The following COBL variants were observed in gnomAD, a reference collection of about 807,000 sequenced individuals.
COBL encodes the protein cordon-bleu WH2 repeat protein.
A neutral mutation model predicts 98.8 loss-of-function variants in COBL; 51 were observed. The ratio of observed to expected loss-of-function variants is 0.52; its 90% CI spans 0.41 to 0.65. The LOEUF (loss-of-function observed/expected upper bound fraction) is 0.65, where lower values mean the gene tolerates loss of function less well. Among genes scored for constraint, COBL ranks in the 30% least tolerant of loss-of-function variants. The pLI, the probability that COBL is intolerant of heterozygous loss-of-function variation, is 0.00. For missense variants in COBL, 1,617 were observed against 1,617.5 expected, an observed-to-expected ratio of 1.00 and a Z score of 0.01; for synonymous variants, 634 against 651.7, an observed-to-expected ratio of 0.97 and a Z score of 0.41.
At chr7:51,096,102 T>C (rs1795249684) in intron 6 of COBL, among the ~76,000 whole-genome samples, 1 of 152,098 alleles carries the variant, frequency 6.6e-6, no homozygotes, top group South Asian at 2.1e-4. Context: ...CTATGATAGA[T>C]CACATTTAAA....
At chr7:51,154,219 A>T (rs1450775801) in intron 5 of COBL, among the ~76,000 whole-genome samples, 1 of 152,176 alleles carries the variant, frequency 6.6e-6, no homozygotes, top group Non-Finnish European at 1.5e-5. Context: ...TATTCTCCAC[A>T]CATAGAAGGA....
At chr7:51,291,685 C>T (rs1800908700) in intron 1 of COBL, among the ~76,000 whole-genome samples, 1 of 151,806 alleles carries the variant, frequency 6.6e-6, no homozygotes, top group African/African-American at 2.4e-5. Context: ...CACTTGAACC[C>T]AGGAAGTGGA....
chr7:51,112,951 A>G (rs1796966095), intron 6 of COBL, among the ~76,000 whole-genome samples: 1 of 152,158 alleles, frequency 6.6e-6, no homozygotes, highest in South Asian at 2.1e-4. Flanking sequence ...AACTCCTACA[A>G]CCGAAAATAA....
chr7:51,175,638 G>A (rs1326612106), intron 5 of COBL, among the ~76,000 whole-genome samples: 1 of 152,176 alleles, frequency 6.6e-6, no homozygotes, highest in Non-Finnish European at 1.5e-5. Context: ...TGAATTATTT[G>A]TCTCGGATAC....
At chr7:51,073,467 C>A in intron 7 of COBL, 2 of 584,686 alleles carry the variant, frequency 3.4e-6, no homozygotes, top group Non-Finnish European at 6.3e-6. Flanking sequence ...CATTTTCCAG[C>A]CCCTGGAGAT....
intron 1 of COBL, among the ~76,000 whole-genome samples, chr7:51,258,893 T>C (rs1797436375): frequency 6.6e-6 from 1 of 152,202 alleles, no homozygotes; most frequent in African/African-American, 2.4e-5. Context: ...AGGCTATGCA[T>C]AGCCTAATGT....
chr7:51,156,638 A>G, intron 5 of COBL: 1 of 960,616 alleles, frequency 1.0e-6, no homozygotes, highest in Non-Finnish European at 1.2e-6. Flanking sequence ...ATAGCTAGTC[A>G]TTTGTTCAGG....
At position 51,023,588 on chromosome 7, in the gene COBL, C is replaced by A. The variant is rs146956602; in HGVS notation, c.3768+1521G>T. On this transcript the variant is annotated intron_variant, in intron 12 of 12. Transcript: ENST00000265136. ...TCAGTGGGCGCTCAGGCTGTTCTTG[C>A]ACAGGGCAACAAAGTTGTGACCTCT... is the stretch of plus-strand genomic sequence containing the variant. 4.6e-5 allele frequency among the ~76,000 whole-genome samples: 7 copies of A among 152,360 alleles called. No individual in the cohort carries two copies. The East Asian group carries it at 1.4e-3, about 29-fold the overall frequency.
intron 4 of COBL, among the ~76,000 whole-genome samples, chr7:51,186,484 G>A (rs1789522742): frequency 6.6e-6 from 1 of 152,250 alleles, no homozygotes; most frequent in Admixed American, 6.5e-5. Context: ...AGGACAGACT[G>A]CATCAGAAAA....
At chr7:51,128,903 C>G (rs79636280) in intron 6 of COBL, among the ~76,000 whole-genome samples, 2,072 of 152,324 alleles carry the variant, frequency 0.014, 51 homozygotes, top group African/African-American at 0.047. Context: ...TGTGCCCAGA[C>G]AGACTGTCCC....
chr7:51,290,009 T>C (rs1584416232), intron 1 of COBL, among the ~76,000 whole-genome samples: 1 of 152,124 alleles, frequency 6.6e-6, no homozygotes, highest in Admixed American at 6.6e-5. Flanking sequence ...GGAAAACAAA[T>C]GAGATACAGA....
At chr7:51,227,161 G>A (rs1794287952) in intron 1 of COBL, among the ~76,000 whole-genome samples, 1 of 152,212 alleles carries the variant, frequency 6.6e-6, no homozygotes, top group Non-Finnish European at 1.5e-5. Flanking sequence ...ATACTCTTCA[G>A]TGAAGGTTTC....
At position 51,112,258 on chromosome 7, in the gene COBL, A is replaced by G. The variant is rs1329839177; in HGVS notation, c.957+23900T>C. Among the ~76,000 whole-genome samples, 5 of 152,196 alleles carry G rather than the reference A, an allele frequency of 3.3e-5. No homozygotes were observed. In the East Asian group the frequency reaches 9.6e-4, roughly 29 times the overall value. ...TACATCAGCATTTCTATTCCAATTC[A>G]TCACTGATGGAAATTGTATTGCTCT... On this transcript the variant is annotated intron_variant, in intron 6 of 12. Transcript: ENST00000265136.
At chr7:51,223,391 C>T (rs1793851918) in intron 1 of COBL, among the ~76,000 whole-genome samples, 1 of 152,234 alleles carries the variant, frequency 6.6e-6, no homozygotes, top group Non-Finnish European at 1.5e-5. Context: ...GCCTGGACAT[C>T]TTCACAGTAA....
chr7:51,299,519 G>C (rs1339677101), intron 1 of COBL, among the ~76,000 whole-genome samples: 1 of 152,186 alleles, frequency 6.6e-6, no homozygotes, highest in Non-Finnish European at 1.5e-5. Flanking sequence ...CTGACCCATA[G>C]CATGCTGGCA....
chr7:51,245,912 G>C (rs984186409), intron 1 of COBL, among the ~76,000 whole-genome samples: 4 of 152,098 alleles, frequency 2.6e-5, no homozygotes, highest in African/African-American at 9.7e-5. Flanking sequence ...TGCCTGCAGA[G>C]TAACTTGAAA....
chr7:51,052,290 C>A (rs1790324506), intron 7 of COBL, among the ~76,000 whole-genome samples: 1 of 152,158 alleles, frequency 6.6e-6, no homozygotes, highest in Non-Finnish European at 1.5e-5. Flanking sequence ...CATAAAAAAC[C>A]CACATGGTGG....
intron 8 of COBL, chr7:51,031,181 G>GGT (rs1262283149): frequency 5.2e-6 from 2 of 385,488 alleles, no homozygotes; most frequent in Non-Finnish European, 9.2e-6. Context: ...TGTGATATAT[G>GGT]GTGTGTGTGT....
chr7:51,073,373 G>C, intron 7 of COBL: 1 of 694,146 alleles, frequency 1.4e-6, no homozygotes, highest in Non-Finnish European at 2.6e-6. Context: ...AGGGAATGAC[G>C]CACAGCAATA....
Sources: allele counts gnomAD v4.1 joint callset (sites outside exome capture counted in the v4.1 genomes callset), GRCh38; gene constraint gnomAD v4.1.1; transcripts MANE v1.5; gene names NCBI Gene and HGNC (gene_info 2026-07-23, HGNC 2026-07-21).